The following BEND3 variants were observed in gnomAD, a reference collection of about 807,000 sequenced individuals.
BEND3 encodes the protein BEN domain-containing protein 3.
Under a neutral mutation model 60.1 loss-of-function variants are expected in BEND3, and 13 were observed. That is an observed-to-expected ratio of 0.22 (90% CI 0.14 to 0.34). The LOEUF (loss-of-function observed/expected upper bound fraction) is 0.34. Among genes scored for constraint, BEND3 ranks in the 10% least tolerant of loss-of-function variants. The pLI is 1.00. For synonymous variants in BEND3, 497 were observed against 491.5 expected (o/e 1.01, Z -0.15); for missense variants, 896 against 1,138.1 (o/e 0.79, Z 3.06).
In BEND3 at chr6:107,099,257, A is replaced by C; in HGVS notation, c.29T>G (p.Val10Gly). 1 of 1,610,830 alleles carries C rather than the reference A, an allele frequency of 6.2e-7. No homozygotes were observed. Among genetic ancestry groups the C allele is most frequent in the Non-Finnish European group, 8.5e-7 (1 of 1,177,512 alleles). ...GGGCATTTTTTTTTTACCTTCTTCT[A>C]CATCTTCGGTGAATTCAGTTGAGTT... MNSTEFTED[V>G]EEVLKSITVK... Residue 10 changes from valine to glycine, a missense_variant, in exon 2 of 4, where the codon GTA (valine) becomes GGA (glycine). This residue lies in a region of BEND3 where 846 missense variants were observed against 1,036.7 expected (regional missense o/e 0.82). Transcript: ENST00000369042.
At position 107,070,959 on chromosome 6, in the gene BEND3, CA is replaced by C. The variant is rs1774967899; in HGVS notation, c.241-10del. On this transcript the variant is annotated splice_polypyrimidine_tract_variant and intron_variant, in intron 3 of 3. Coordinates refer to ENST00000369042, the MANE Select transcript of BEND3 (RefSeq NM_001367314.1). The surrounding 1 kb of genome is among the most constrained non-coding windows in gnomAD (Gnocchi z 6.9). ...ATGCCTGCTAGGAGAGCCTGCAAAA[CA>C]AAAATCATTTCCCAGAGTGTTAGGT... 4 of 1,594,228 alleles carry C rather than the reference CA, an allele frequency of 2.5e-6. No homozygotes were observed. The highest frequency in any genetic ancestry group is 3.4e-6 in the Non-Finnish European group (4 of 1,170,834).
At chr6:107,093,986 C>A (rs991070863) in intron 3 of BEND3, among the ~76,000 whole-genome samples, 1 of 152,124 alleles carries the variant, frequency 6.6e-6, no homozygotes, top group Non-Finnish European at 1.5e-5. Flanking sequence ...AAAAGACATA[C>A]CTGATAAAGG....
At position 107,098,771 on chromosome 6, in the gene BEND3, T is replaced by C. The variant is rs367604037; in HGVS notation, c.38-18A>G. 163 of 1,609,288 alleles carry C rather than the reference T, an allele frequency of 1.0e-4. No homozygotes were observed. The highest frequency in any genetic ancestry group is 1.2e-4 in the Non-Finnish European group (147 of 1,176,284). ...TTTTAGAACTGTGTCAGAGAAGAAA[T>C]AGGGCTCAGTGGGAAAAACCAGGGC... On this transcript the variant is annotated intron_variant, in intron 2 of 3. Coordinates refer to ENST00000369042, the MANE Select transcript of BEND3 (RefSeq NM_001367314.1).
rs1554236307 is a variant in BEND3, at chr6:107,098,516, G to A, written c.240+35C>T. Reference sequence around the variant, plus strand: ...CAGCATGGAATCAGAGAGGGTTAGAGCCCAAGCAAAGAGTGACAGCAGCTA... The same window carrying A: ...CAGCATGGAATCAGAGAGGGTTAGAACCCAAGCAAAGAGTGACAGCAGCTA... On this transcript the variant is annotated intron_variant, in intron 3 of 3. Transcript: ENST00000369042. The A allele has an allele frequency of 2.5e-6, 4 of 1,600,702 alleles. No homozygotes were observed. The East Asian group carries it at 6.7e-5, about 27-fold the overall frequency.
chr6:107,111,163 T>G (rs1224724060), intron 1 of BEND3, among the ~76,000 whole-genome samples: 1 of 152,068 alleles, frequency 6.6e-6, no homozygotes, highest in Non-Finnish European at 1.5e-5. Flanking sequence ...AGACCCTGTC[T>G]CAAAAATTCC....
At chr6:107,072,836 A>T (rs1199454314) in intron 3 of BEND3, among the ~76,000 whole-genome samples, 7 of 151,976 alleles carry the variant, frequency 4.6e-5, no homozygotes, top group Admixed American at 3.3e-4. Context: ...AATACAAAAA[A>T]AATTAGCCTG....
chr6:107,102,077 T>C (rs1582668548), intron 1 of BEND3, among the ~76,000 whole-genome samples: 1 of 152,162 alleles, frequency 6.6e-6, no homozygotes, highest in Non-Finnish European at 1.5e-5. Context: ...AAGATTCTGG[T>C]AAGTGGAAAG....
chr6:107,073,844 C>A (rs998487034), intron 3 of BEND3, among the ~76,000 whole-genome samples: 1 of 151,726 alleles, frequency 6.6e-6, no homozygotes, highest in African/African-American at 2.4e-5. Context: ...TGAGATCACA[C>A]CACTGCACTC....
At chr6:107,089,617 C>CA (rs1160943763) in intron 3 of BEND3, among the ~76,000 whole-genome samples, 1 of 138,072 alleles carries the variant, frequency 7.2e-6, no homozygotes, top group Admixed American at 7.5e-5. Flanking sequence ...TTTTTCGAGA[C>CA]AGAGTCTCGC....
At chr6:107,109,442 CAA>C (rs55745315) in intron 1 of BEND3, among the ~76,000 whole-genome samples, 1 of 48,712 alleles carries the variant, frequency 2.1e-5, no homozygotes. Context: ...GACTCTGTCT[CAA>C]AAAAAAAAAA....
At chr6:107,111,981 CAAAAAAAAAAAAAAAAAA>C (rs57840795) in intron 1 of BEND3, among the ~76,000 whole-genome samples, 2 of 145,318 alleles carry the variant, frequency 1.4e-5, no homozygotes, top group Non-Finnish European at 3.0e-5. Context: ...GACTCCGTTT[CAAAAAAAAAAAAAAAAAA>C]AAAAAAATTA....
intron 3 of BEND3, among the ~76,000 whole-genome samples, chr6:107,087,716 G>A (rs560973328): frequency 6.7e-5 from 10 of 150,174 alleles, no homozygotes; most frequent in South Asian, 2.1e-4. Flanking sequence ...CAGCCTGGGC[G>A]ACAGAGCAAG....
In BEND3 at chr6:107,069,607, C is replaced by T. The variant is rs782355431; in HGVS notation, c.1584G>A (p.Lys528=). 1.2e-6 allele frequency: 2 copies of T among 1,612,320 alleles called. No individual in the cohort carries two copies. Among genetic ancestry groups the T allele is most frequent in the Admixed American group, 1.7e-5 (1 of 60,028 alleles). The part of the protein sequence containing the change: ...EGERPGRRSK[K]IWLVPIDFDK... ...CGAAGTCGATGGGCACCAGCCAGAT[C>T]TTCTTGGAGCGGCGACCCGGCCGCT... Residue 528 remains lysine, a synonymous_variant, in exon 4 of 4, where the codon AAG becomes AAA. Transcript: ENST00000369042.
rs1774878300 is a variant in BEND3, at chr6:107,068,492, G to A, written c.*212C>T. 5.1e-6 allele frequency: 3 copies of A among 590,488 alleles called. No homozygotes were observed. The Admixed American group carries it at 1.0e-4, about 20-fold the overall frequency. The allele number at this position is 590,488 out of a possible 1,614,324, so 36.6% of individuals were successfully genotyped here. A position where few individuals can be genotyped will look rare whatever the true frequency, so the allele number is the denominator to read the frequency against. Reference sequence around the variant, plus strand: ...CAGGCTGCCCCGCCGGGGCACATAGGACAGAAGTTGTAAGTACAAGAGACC... The same window carrying A: ...CAGGCTGCCCCGCCGGGGCACATAGAACAGAAGTTGTAAGTACAAGAGACC... On this transcript the variant is annotated 3_prime_UTR_variant, in exon 4 of 4. Coordinates refer to ENST00000369042, the MANE Select transcript of BEND3 (RefSeq NM_001367314.1). This position sits in a 1 kb window ranked among gnomAD's most constrained non-coding sequence, Gnocchi z 5.8.
At chr6:107,079,207 G>T (rs562089534) in intron 3 of BEND3, among the ~76,000 whole-genome samples, 1 of 152,308 alleles carries the variant, frequency 6.6e-6, no homozygotes, top group African/African-American at 2.4e-5. Context: ...TTTGGCAGGG[G>T]CAGTAGGAGG....
intron 1 of BEND3, among the ~76,000 whole-genome samples, chr6:107,101,788 C>G (rs201146090): frequency 2.6e-5 from 4 of 152,116 alleles, no homozygotes; most frequent in Admixed American, 2.0e-4. Context: ...AATTCAAGAC[C>G]GGATTCCCAG....
At position 107,102,711 on chromosome 6, in the gene BEND3, A is replaced by G. The variant is rs1227347091; in HGVS notation, c.-11-3415T>C. ...AGAAGCTGGGGAATCTCCCATTTGCAAGGCCTGGAAACCTCGCGCCTGCCC... is the reference window on the plus strand; with the variant it reads ...AGAAGCTGGGGAATCTCCCATTTGCGAGGCCTGGAAACCTCGCGCCTGCCC... On this transcript the variant is annotated intron_variant, in intron 1 of 3. Coordinates refer to ENST00000369042, the MANE Select transcript of BEND3 (RefSeq NM_001367314.1). 2.0e-5 allele frequency among the ~76,000 whole-genome samples: 3 copies of G among 152,322 alleles called. No individual in the cohort carries two copies. In the South Asian group the frequency reaches 6.2e-4, roughly 32 times the overall value.
At chr6:107,086,264 A>G (rs1348388289) in intron 3 of BEND3, among the ~76,000 whole-genome samples, 1 of 152,060 alleles carries the variant, frequency 6.6e-6, no homozygotes. Flanking sequence ...TGTCCCACTT[A>G]AGGGAGGAAT....
Position 107,075,251 on chromosome 6 carries a change from G to A in BEND3, c.241-4301C>T, listed in dbSNP as rs75460045. Among the ~76,000 whole-genome samples the A allele has an allele frequency of 3.9e-3, 533 of 136,506 alleles. 11 individuals carry two copies. The East Asian group carries it at 0.062, about 16-fold the overall frequency. 89.6% of individuals were successfully genotyped at this position (136,506 alleles called of 152,430 possible). Reference sequence around the variant, plus strand: ...AAAAATAAATAAATAAATAAATAAAGAGGGAGGGAAGGAGGAAATAAGAAA... The same window carrying A: ...AAAAATAAATAAATAAATAAATAAAAAGGGAGGGAAGGAGGAAATAAGAAA... On this transcript the variant is annotated intron_variant, in intron 3 of 3. Coordinates refer to ENST00000369042, the MANE Select transcript of BEND3 (RefSeq NM_001367314.1).
Sources: allele counts gnomAD v4.1 joint callset (sites outside exome capture counted in the v4.1 genomes callset), GRCh38; gene constraint gnomAD v4.1.1; regional missense constraint gnomAD v4.1.1; non-coding constraint Gnocchi (gnomAD v3.1); transcripts MANE v1.5; gene names NCBI Gene and HGNC (gene_info 2026-07-23, HGNC 2026-07-21).